RAB7A: variants seen among roughly 807,000 people sequenced by gnomAD.
RAB7A encodes ras-related protein Rab-7a.
A neutral mutation model predicts 24.5 loss-of-function variants in RAB7A; 2 were observed. The observed-to-expected ratio is 0.08, with a 90% CI of 0.03 to 0.26. The LOEUF (loss-of-function observed/expected upper bound fraction) is 0.26, where lower values mean the gene tolerates loss of function less well. Ranked by LOEUF, RAB7A falls within the 10% of genes least tolerant of loss-of-function variation. The pLI is 1.00. For missense variants in RAB7A, 118 were observed against 255.7 expected (o/e 0.46, Z 3.67); for synonymous variants, 100 against 95.9 (o/e 1.04, Z -0.25).
intron 1 of RAB7A, among the ~76,000 whole-genome samples, chr3:128,730,757 C>T (rs937648377): frequency 3.2e-4 from 48 of 152,186 alleles, no homozygotes; most frequent in African/African-American, 1.1e-3. Context: ...CCAATGCTGA[C>T]CTACAGCATT....
At chr3:128,752,281 C>T (rs2070689820) in intron 1 of RAB7A, among the ~76,000 whole-genome samples, 1 of 151,434 alleles carries the variant, frequency 6.6e-6, no homozygotes, top group Non-Finnish European at 1.5e-5. Flanking sequence ...ACTAATAATG[C>T]TAACCAGCAA....
chr3:128,799,728 A>T (rs1933659478), intron 3 of RAB7A, among the ~76,000 whole-genome samples: 1 of 152,196 alleles, frequency 6.6e-6, no homozygotes, highest in African/African-American at 2.4e-5. Flanking sequence ...TGGCCCAAGA[A>T]ATTGGCAAAG....
intron 1 of RAB7A, among the ~76,000 whole-genome samples, chr3:128,763,208 ATTTTTTTTT>A (rs1174944964): frequency 0.047 from 3,557 of 76,146 alleles, 168 homozygotes; most frequent in South Asian, 0.17. Flanking sequence ...ATATATATAT[ATTTTTTTTT>A]TTTTTTTTTT....
At chr3:128,767,528 A>C (rs1434346143) in intron 1 of RAB7A, among the ~76,000 whole-genome samples, 1 of 152,186 alleles carries the variant, frequency 6.6e-6, no homozygotes, top group African/African-American at 2.4e-5. Flanking sequence ...TGGAAATGTA[A>C]AGAGGTTAGG....
intron 4 of RAB7A, 147 bp from the exon 5 acceptor site, chr3:128,807,396 A>C: frequency 8.5e-7 from 1 of 1,173,712 alleles, no homozygotes; most frequent in Non-Finnish European, 1.3e-6. Flanking sequence ...ACGGGTCTGC[A>C]GGTCTCCTCC....
intron 5 of RAB7A, among the ~76,000 whole-genome samples, chr3:128,810,803 C>T (rs546136310): frequency 8.5e-5 from 13 of 152,270 alleles, no homozygotes; most frequent in African/African-American, 2.9e-4. Context: ...CCTGTAATCC[C>T]AGCACTTCGG....
chr3:128,783,348 T>C (rs1017125776), intron 1 of RAB7A, among the ~76,000 whole-genome samples: 1 of 151,960 alleles, frequency 6.6e-6, no homozygotes, highest in African/African-American at 2.4e-5. Flanking sequence ...CAGGTGCTCT[T>C]GCGTTTGAGG....
intron 4 of RAB7A, 125 bp from the exon 5 acceptor site, chr3:128,807,418 T>TC (rs1933828013): frequency 2.8e-6 from 4 of 1,422,068 alleles, no homozygotes; most frequent in Non-Finnish European, 3.9e-6. Flanking sequence ...ACACCCTCTT[T>TC]CCCCATGTCT....
intron 1 of RAB7A, among the ~76,000 whole-genome samples, chr3:128,743,991 G>A (rs1218384076): frequency 6.6e-6 from 1 of 151,776 alleles, no homozygotes; most frequent in African/African-American, 2.4e-5. Flanking sequence ...GTTTCACCAT[G>A]TTGGCCAGGC....
chr3:128,731,542 C>A (rs975484412), intron 1 of RAB7A, among the ~76,000 whole-genome samples: 1 of 152,158 alleles, frequency 6.6e-6, no homozygotes, highest in Non-Finnish European at 1.5e-5. Flanking sequence ...ATTTGGTGCT[C>A]ACAACTGTTG....
chr3:128,789,577 C>CCCG (rs2107608441), intron 1 of RAB7A, among the ~76,000 whole-genome samples: 1 of 152,158 alleles, frequency 6.6e-6, no homozygotes, highest in South Asian at 2.1e-4. Context: ...AAGTGATCTG[C>CCCG]CCGCCTCAGC....
chr3:128,804,539 C>T (rs1199461974), intron 3 of RAB7A, among the ~76,000 whole-genome samples: 2 of 152,208 alleles, frequency 1.3e-5, no homozygotes, highest in Non-Finnish European at 2.9e-5. Flanking sequence ...AAATCACAGT[C>T]AGCCATAGGA....
At chr3:128,749,133 G>A (rs1473625460) in intron 1 of RAB7A, 1 of 152,212 alleles carries the variant, frequency 6.6e-6, no homozygotes, top group African/African-American at 2.4e-5. Context: ...TTCTTCTGGT[G>A]GCAATACTGC....
At chr3:128,798,513 T>C (rs1933624689) in intron 3 of RAB7A, 3 of 181,700 alleles carry the variant, frequency 1.7e-5, no homozygotes, top group Non-Finnish European at 3.5e-5. Context: ...GAGTTGTGTG[T>C]CTATTGAGCC....
chr3:128,813,011 G>A (rs1313164975), intron 5 of RAB7A, among the ~76,000 whole-genome samples: 1 of 152,246 alleles, frequency 6.6e-6, no homozygotes, highest in African/African-American at 2.4e-5. Context: ...AGAGCTCCCA[G>A]ATCATGATCT....
Position 128,811,230 on chromosome 3 carries a change from A to G in RAB7A, c.529-2097A>G, listed in dbSNP as rs771783904. ...TAACCTCCAACTTCTGGGCTCCAGC[A>G]GTCTTCCCACCATAGCCTCCTAAGT... On this transcript the variant is annotated intron_variant, in intron 5 of 5. Coordinates refer to ENST00000265062, the MANE Select transcript of RAB7A (RefSeq NM_004637.6). Among the ~76,000 whole-genome samples, 35 of 152,128 alleles carry G rather than the reference A, an allele frequency of 2.3e-4. No individual in the cohort carries two copies. The highest frequency in any genetic ancestry group is 1.0e-4 in the Non-Finnish European group (7 of 68,026).
chr3:128,763,188 T>TTATATA (rs765866649), intron 1 of RAB7A, among the ~76,000 whole-genome samples: 1,198 of 81,942 alleles, frequency 0.015, 28 homozygotes, highest in Non-Finnish European at 0.021. Context: ...TACATTTAGC[T>TTATATA]TATATATATA....
chr3:128,805,650 C>G (rs1469725466), intron 3 of RAB7A, among the ~76,000 whole-genome samples: 3 of 152,024 alleles, frequency 2.0e-5, no homozygotes, highest in Admixed American at 2.0e-4. Context: ...GTTGTTTAGG[C>G]AAACTTTTCT....
intron 2 of RAB7A, among the ~76,000 whole-genome samples, chr3:128,797,294 G>A (rs1471855484): frequency 6.6e-6 from 1 of 151,922 alleles, no homozygotes; most frequent in African/African-American, 2.4e-5. Context: ...TGGCTATGGG[G>A]GGGAAGGTTT....
Sources: allele counts gnomAD v4.1 joint callset (sites outside exome capture counted in the v4.1 genomes callset), GRCh38; gene constraint gnomAD v4.1.1; transcripts MANE v1.5; gene names NCBI Gene and HGNC (gene_info 2026-07-23, HGNC 2026-07-21).